Variants in ZC3H11A observed in about 807,000 individuals in gnomAD.
ZC3H11A encodes zinc finger CCCH-type containing 11A.
ZC3H11A carries 22 observed loss-of-function variants against 90.8 expected under a neutral mutation model. The observed-to-expected ratio is 0.24, with a 90% CI of 0.17 to 0.35. The LOEUF is 0.35. Among genes scored for constraint, ZC3H11A ranks in the 10% least tolerant of loss-of-function variants. ZC3H11A has a pLI of 1.00. For missense variants in ZC3H11A, 701 were observed against 964.9 expected, an observed-to-expected ratio of 0.73 and a Z score of 3.62; for synonymous variants, 294 against 339.8, an observed-to-expected ratio of 0.87 and a Z score of 1.48.
chr1:203,818,212 T>A (rs942190789), intron 3 of ZC3H11A, among the ~76,000 whole-genome samples: 1 of 152,098 alleles, frequency 6.6e-6, no homozygotes, highest in African/African-American at 2.4e-5. Context: ...AAATTCTATT[T>A]ACTTTCTGAT....
At chr1:203,850,083 C>A in intron 15 of ZC3H11A, 57 bp downstream of exon 15, 1 of 1,522,000 alleles carries the variant, frequency 6.6e-7, no homozygotes, top group South Asian at 1.2e-5. Context: ...AAATTCAACC[C>A]AATTGTTGCC....
chr1:203,840,211 T>A, intron 11 of ZC3H11A, 95 bp from the exon 12 acceptor site: 1 of 1,238,200 alleles, frequency 8.1e-7, no homozygotes, highest in East Asian at 2.4e-5. Flanking sequence ...AGTTCTGGGA[T>A]TACAGGTGTA....
chr1:203,822,326 C>T (rs1450167564), intron 4 of ZC3H11A, among the ~76,000 whole-genome samples: 1 of 152,096 alleles, frequency 6.6e-6, no homozygotes, highest in Non-Finnish European at 1.5e-5. Flanking sequence ...GGACACCTTT[C>T]TCACCATGTT....
chr1:203,817,666 CA>C (rs1474067492), intron 3 of ZC3H11A, among the ~76,000 whole-genome samples: 1 of 152,052 alleles, frequency 6.6e-6, no homozygotes, highest in Non-Finnish European at 1.5e-5. Flanking sequence ...GCTCTATTTA[CA>C]TATACCTATT....
chr1:203,805,050 T>G (rs1671817843), intron 2 of ZC3H11A, among the ~76,000 whole-genome samples: 1 of 152,138 alleles, frequency 6.6e-6, no homozygotes, highest in African/African-American at 2.4e-5. Flanking sequence ...AAATGTCCTA[T>G]TCATCAAATA....
At chr1:203,797,604 C>G (rs1360141166) in intron 1 of ZC3H11A, 1 of 1,535,096 alleles carries the variant, frequency 6.5e-7, no homozygotes, top group African/African-American at 1.4e-5. Flanking sequence ...TTCTGGGATT[C>G]TGGGATGTGT....
At chr1:203,821,762 GTT>G (rs201404414) in intron 4 of ZC3H11A, among the ~76,000 whole-genome samples, 1 of 141,652 alleles carries the variant, frequency 7.1e-6, no homozygotes. Flanking sequence ...TTTTGGTTTT[GTT>G]TTTTTTTTTT....
At chr1:203,820,487 T>TGTGTGTG (rs1553263519) in intron 4 of ZC3H11A, among the ~76,000 whole-genome samples, 1 of 152,044 alleles carries the variant, frequency 6.6e-6, no homozygotes, top group Non-Finnish European at 1.5e-5. Context: ...TGTGTGTATA[T>TGTGTGTG]TTTGAGTTGA....
intron 4 of ZC3H11A, among the ~76,000 whole-genome samples, chr1:203,822,553 G>A (rs1427736053): frequency 6.6e-6 from 1 of 151,988 alleles, no homozygotes; most frequent in Non-Finnish European, 1.5e-5. Flanking sequence ...CTCTGTACCA[G>A]GTTCCCTTGG....
intron 1 of ZC3H11A, chr1:203,799,573 TA>T: frequency 1.4e-6 from 1 of 703,078 alleles, no homozygotes; most frequent in Non-Finnish European, 2.6e-6. Context: ...CAGTGGACTC[TA>T]ATGACTTATG....
At chr1:203,831,603 C>G (rs1257042719) in intron 8 of ZC3H11A, 58 bp from the exon 9 acceptor site, 1 of 1,488,824 alleles carries the variant, frequency 6.7e-7, no homozygotes, top group Admixed American at 1.9e-5. Context: ...AATTTTTTGA[C>G]TTGGGATAGC....
At chr1:203,838,953 T>TA (rs1685208300) in intron 11 of ZC3H11A, among the ~76,000 whole-genome samples, 1 of 19,822 alleles carries the variant, frequency 5.0e-5, no homozygotes, top group Non-Finnish European at 1.3e-4. Context: ...AGACTTCATC[T>TA]CAAAAAAAAA....
At chr1:203,798,930 T>G in intron 1 of ZC3H11A, 1 of 1,536,134 alleles carries the variant, frequency 6.5e-7, no homozygotes, top group South Asian at 1.2e-5. Flanking sequence ...AAAAATTTTC[T>G]TAACTTTAGA....
intron 2 of ZC3H11A, among the ~76,000 whole-genome samples, chr1:203,805,281 G>A (rs1330130124): frequency 1.3e-5 from 2 of 150,708 alleles, no homozygotes; most frequent in East Asian, 2.0e-4. Flanking sequence ...ACAGGCGCCC[G>A]CCACCACACC....
At chr1:203,822,530 G>A (rs942187894) in intron 4 of ZC3H11A, among the ~76,000 whole-genome samples, 5 of 151,942 alleles carry the variant, frequency 3.3e-5, no homozygotes, top group Admixed American at 6.6e-5. Context: ...CTGACCCTGC[G>A]CACATACTCC....
Position 203,848,607 on chromosome 1 carries a change from G to T in ZC3H11A, c.1623+200G>T, listed in dbSNP as rs142474119. On this transcript the variant is annotated intron_variant, in intron 14 of 17. Coordinates refer to ENST00000367210, the MANE Select transcript of ZC3H11A (RefSeq NM_001376342.1). ...GCTGCCCTTTTAAAGTTTTTTGTTTGCCGGGCGCGGTGGCTCACGCCTGTA... is the reference window on the plus strand; with the variant it reads ...GCTGCCCTTTTAAAGTTTTTTGTTTTCCGGGCGCGGTGGCTCACGCCTGTA... Among the ~76,000 whole-genome samples the T allele has an allele frequency of 3.6e-4, 55 of 152,186 alleles. 1 individual carries two copies. The East Asian group carries it at 0.01, about 28-fold the overall frequency.
chr1:203,814,948 G>A (rs931564481), intron 2 of ZC3H11A: 9 of 152,072 alleles, frequency 5.9e-5, no homozygotes, highest in African/African-American at 2.2e-4. Context: ...CCCTACCTTA[G>A]GCTCCTGAGT....
chr1:203,828,544 TTACAG>T, intron 5 of ZC3H11A, 122 bp downstream of exon 5: 3 of 1,252,552 alleles, frequency 2.4e-6, no homozygotes, highest in Non-Finnish European at 2.2e-6. Flanking sequence ...TATTTCCACT[TTACAG>T]ATAAGTGAAC....
intron 4 of ZC3H11A, among the ~76,000 whole-genome samples, chr1:203,824,021 C>T (rs1041023876): frequency 2.6e-5 from 4 of 152,090 alleles, no homozygotes; most frequent in Non-Finnish European, 4.4e-5. Flanking sequence ...GTAATCTCAG[C>T]ACTTTGGGAG....
Sources: gnomAD v4.1 joint callset for allele counts (sites outside exome capture counted in the v4.1 genomes callset) on GRCh38, gnomAD v4.1.1 for gene constraint, MANE v1.5 for transcripts, NCBI Gene and HGNC (gene_info 2026-07-23, HGNC 2026-07-21) for gene names.